Variants in RAD54L2 observed in about 807,000 individuals in gnomAD.
RAD54L2 encodes the protein helicase ARIP4.
In RAD54L2, 27 loss-of-function variants were observed where a neutral mutation model predicts 138.4. That is an observed-to-expected ratio of 0.20 (90% CI 0.14 to 0.27). The LOEUF (loss-of-function observed/expected upper bound fraction) is 0.27, where lower values mean the gene tolerates loss of function less well. Among genes scored for constraint, RAD54L2 ranks in the 10% least tolerant of loss-of-function variants. The probability of loss-of-function intolerance (pLI) is 1.00; values close to 1 mark genes in which losing one functional copy is unlikely to be tolerated. For missense variants in RAD54L2, 1,396 were observed against 1,890.2 expected (o/e 0.74, Z 4.85); for synonymous variants, 644 against 723.2 (o/e 0.89, Z 1.76).
rs768354274 is a variant in RAD54L2, at chr3:51,626,436, C to CTTTTTTTTTTTTTTTTTTTTTTTTTT, written c.140-1116_140-1091dup. On this transcript the variant is annotated intron_variant, in intron 3 of 22. Coordinates refer to ENST00000684192, the MANE Select transcript of RAD54L2 (RefSeq NM_015106.4). ...TGACATCCCCTGGACCCCCAACGAT[C>CTTTTTTTTTTTTTTTTTTTTTTTTTT]TTTTTTTTTTTTTTTTTTTTTTTTT... 1.0e-4 allele frequency among the ~76,000 whole-genome samples: 4 copies of CTTTTTTTTTTTTTTTTTTTTTTTTTT among 39,392 alleles called. 2 individuals are homozygous for CTTTTTTTTTTTTTTTTTTTTTTTTTT. Among genetic ancestry groups the CTTTTTTTTTTTTTTTTTTTTTTTTTT allele is most frequent in the African/African-American group, 2.2e-4 (2 of 8,970 alleles). The allele number at this position is 39,392 out of a possible 152,430, so 25.8% of individuals were successfully genotyped here. A position where few individuals can be genotyped will look rare whatever the true frequency, so the allele number is the denominator to read the frequency against.
intron 2 of RAD54L2, among the ~76,000 whole-genome samples, chr3:51,562,075 G>A (rs562068596): frequency 1.6e-4 from 24 of 149,994 alleles, no homozygotes; most frequent in South Asian, 2.1e-4. Flanking sequence ...TCACTCTGTC[G>A]CCCAGGCTGG....
chr3:51,562,928 C>T (rs1307773196), intron 2 of RAD54L2, among the ~76,000 whole-genome samples: 1 of 152,124 alleles, frequency 6.6e-6, no homozygotes, highest in Non-Finnish European at 1.5e-5. Context: ...CATGAGCCAC[C>T]GAGTCTGGCC....
chr3:51,558,330 A>T (rs902860767), intron 2 of RAD54L2, among the ~76,000 whole-genome samples: 5 of 152,188 alleles, frequency 3.3e-5, no homozygotes, highest in African/African-American at 1.2e-4. Context: ...TTAAATGTTT[A>T]AAAAATTTCT....
chr3:51,562,887 A>G (rs1321877881), intron 2 of RAD54L2, among the ~76,000 whole-genome samples: 1 of 151,364 alleles, frequency 6.6e-6, no homozygotes, highest in Non-Finnish European at 1.5e-5. Flanking sequence ...CCATTCTCCC[A>G]CCTCAGCTTC....
rs140128793 is a variant in RAD54L2, at chr3:51,549,871, A to C, written c.-55+8221A>C. ...TGTGCCTTCCAGTCCCACTGTCTCCACACCCTATCTCTTCATTTTTCTTTC... is the reference window on the plus strand; with the variant it reads ...TGTGCCTTCCAGTCCCACTGTCTCCCCACCCTATCTCTTCATTTTTCTTTC... On this transcript the variant is annotated intron_variant, in intron 2 of 22. Coordinates refer to ENST00000684192, the MANE Select transcript of RAD54L2 (RefSeq NM_015106.4). Among the ~76,000 whole-genome samples, 522 of 150,496 alleles carry C rather than the reference A, an allele frequency of 3.5e-3. 3 individuals carry two copies. Among genetic ancestry groups the C allele is most frequent in the African/African-American group, 0.012 (489 of 40,886 alleles).
intron 3 of RAD54L2, among the ~76,000 whole-genome samples, chr3:51,620,506 T>G (rs2106778468): frequency 1.3e-5 from 2 of 151,480 alleles, no homozygotes; most frequent in South Asian, 4.2e-4. Flanking sequence ...TCAGTTCATC[T>G]TTTTTATACA....
intron 13 of RAD54L2, 99 bp from the exon 14 acceptor site, chr3:51,639,782 T>C: frequency 1.3e-6 from 2 of 1,511,892 alleles, no homozygotes; most frequent in South Asian, 1.2e-5. Context: ...TATGGAATTA[T>C]AAAGGTGGCC....
At chr3:51,561,846 C>T (rs752705535) in intron 2 of RAD54L2, among the ~76,000 whole-genome samples, 4 of 152,012 alleles carry the variant, frequency 2.6e-5, no homozygotes, top group African/African-American at 7.2e-5. Context: ...TGGGTCATCA[C>T]GCCTGGCTTG....
chr3:51,584,232 G>T (rs72951485), intron 2 of RAD54L2, among the ~76,000 whole-genome samples: 5,820 of 152,224 alleles, frequency 0.038, 395 homozygotes, highest in African/African-American at 0.13. Context: ...CTATCTTTTG[G>T]AGGTAGTTGT....
At chr3:51,556,720 C>G (rs953751909) in intron 2 of RAD54L2, among the ~76,000 whole-genome samples, 5 of 151,956 alleles carry the variant, frequency 3.3e-5, no homozygotes, top group Non-Finnish European at 1.5e-5. Flanking sequence ...GGGATTACAG[C>G]CATGCGCCAC....
chr3:51,565,598 G>T (rs1699196935), intron 2 of RAD54L2, among the ~76,000 whole-genome samples: 1 of 151,864 alleles, frequency 6.6e-6, no homozygotes, highest in Non-Finnish European at 1.5e-5. Flanking sequence ...TCAGCTTCCT[G>T]AGTAGCTAGG....
chr3:51,602,224 G>T (rs536554054), intron 3 of RAD54L2, among the ~76,000 whole-genome samples: 1 of 152,172 alleles, frequency 6.6e-6, no homozygotes, highest in East Asian at 1.9e-4. Flanking sequence ...TCATGTACAA[G>T]TCTTTGTGGG....
chr3:51,590,905 G>A (rs1699825017), intron 3 of RAD54L2, among the ~76,000 whole-genome samples: 3 of 152,210 alleles, frequency 2.0e-5, no homozygotes, highest in Non-Finnish European at 2.9e-5. Flanking sequence ...TGGAGGCCAT[G>A]GGCTCTTCAG....
intron 15 of RAD54L2, among the ~76,000 whole-genome samples, chr3:51,643,020 T>G (rs1701178067): frequency 6.6e-6 from 1 of 151,810 alleles, no homozygotes; most frequent in Non-Finnish European, 1.5e-5. Flanking sequence ...TTTATGCTTC[T>G]TAACTGAAGT....
intron 2 of RAD54L2, among the ~76,000 whole-genome samples, chr3:51,585,659 G>A (rs915484856): frequency 7.2e-5 from 11 of 152,152 alleles, no homozygotes; most frequent in African/African-American, 2.7e-4. Context: ...TTGCTATGAG[G>A]TGCTAGGCTA....
chr3:51,636,993 T>C (rs1432597228), intron 10 of RAD54L2, 168 bp from the exon 11 acceptor site: 2 of 624,452 alleles, frequency 3.2e-6, no homozygotes, highest in East Asian at 2.7e-5. Context: ...ATACCAGTCA[T>C]ATCCAGGAGC....
intron 2 of RAD54L2, among the ~76,000 whole-genome samples, chr3:51,550,331 T>A (rs1187226584): frequency 3.3e-5 from 5 of 152,238 alleles, no homozygotes; most frequent in Admixed American, 3.3e-4. Context: ...ACTTTCGTCA[T>A]CCAGTCTGTT....
chr3:51,596,392 C>T (rs1024812291), intron 3 of RAD54L2, among the ~76,000 whole-genome samples: 3 of 151,824 alleles, frequency 2.0e-5, no homozygotes, highest in Non-Finnish European at 4.4e-5. Context: ...TTCTTGTCCT[C>T]CTGCAGCAGA....
intron 9 of RAD54L2, 26 bp downstream of exon 9, chr3:51,634,061 GC>G: frequency 6.2e-7 from 1 of 1,606,822 alleles, no homozygotes; most frequent in Admixed American, 1.7e-5. Context: ...TTTCCTCTCT[GC>G]CCCTTTCCTT....
Sources: gnomAD v4.1 joint callset for allele counts (sites outside exome capture counted in the v4.1 genomes callset) on GRCh38, gnomAD v4.1.1 for gene constraint, MANE v1.5 for transcripts, NCBI Gene and HGNC (gene_info 2026-07-23, HGNC 2026-07-21) for gene names.